Variants in CHKA observed in about 807,000 individuals in gnomAD.
The protein encoded by CHKA is choline kinase alpha, also known as CHETK-alpha.
CHKA carries 34 observed loss-of-function variants against 60.1 expected under a neutral mutation model. That is an observed-to-expected ratio of 0.57 (90% CI 0.43 to 0.75). CHKA has a LOEUF of 0.75. Ranked by LOEUF, CHKA falls within the 30% of genes least tolerant of loss-of-function variation. The pLI, the probability that CHKA is intolerant of heterozygous loss-of-function variation, is 0.00. For synonymous variants in CHKA, 217 were observed against 223.1 expected (o/e 0.97, Z 0.24); for missense variants, 563 against 561.3 (o/e 1.00, Z -0.03).
intron 7 of CHKA, among the ~76,000 whole-genome samples, chr11:68,068,226 A>AG (rs1205597188): frequency 6.6e-6 from 1 of 152,136 alleles, no homozygotes; most frequent in African/African-American, 2.4e-5. Flanking sequence ...GTGGTGCAGA[A>AG]GGGGGAAGGG....
chr11:68,090,527 A>G (rs1198142402), intron 2 of CHKA, among the ~76,000 whole-genome samples: 2 of 152,202 alleles, frequency 1.3e-5, no homozygotes, highest in Admixed American at 6.5e-5. Context: ...GTAGTTTAAT[A>G]TTAACTATTT....
At chr11:68,096,498 T>C (rs1210550604) in intron 2 of CHKA, among the ~76,000 whole-genome samples, 1 of 152,188 alleles carries the variant, frequency 6.6e-6, no homozygotes, top group Non-Finnish European at 1.5e-5. Context: ...CTTTAAGAAT[T>C]AGATTATCTA....
intron 7 of CHKA, among the ~76,000 whole-genome samples, chr11:68,067,242 C>G (rs1257479631): frequency 6.6e-6 from 1 of 152,208 alleles, no homozygotes; most frequent in Admixed American, 6.5e-5. Flanking sequence ...CTTAGGATTT[C>G]TAGTGGAGGT....
intron 1 of CHKA, among the ~76,000 whole-genome samples, chr11:68,110,749 G>C (rs1858101078): frequency 6.6e-6 from 1 of 152,134 alleles, no homozygotes. Flanking sequence ...TGTAATCCCA[G>C]CAATTTGGGA....
chr11:68,054,453 G>A (rs912448990), intron 11 of CHKA, among the ~76,000 whole-genome samples: 5 of 152,180 alleles, frequency 3.3e-5, no homozygotes, highest in African/African-American at 1.2e-4. Context: ...TAGAACAGAA[G>A]GGGAGAAGAG....
chr11:68,095,718 AAAAAAAAAAAAAAAAAC>A (rs1335087912), intron 2 of CHKA, among the ~76,000 whole-genome samples: 1 of 141,496 alleles, frequency 7.1e-6, no homozygotes, highest in Non-Finnish European at 1.5e-5. Context: ...CAAAAAAAAA[AAAAAAAAAAAAAAAAAC>A]AACAGGTATC....
chr11:68,120,876 C>G lies in CHKA; in HGVS notation c.302G>C (p.Gly101Ala). The change falls in exon 1 of 12, where the codon GGC (glycine) becomes GCC (alanine). Residue 101 changes from glycine (G) to alanine (A), a missense_variant. Physicochemically the swap from Gly to Ala is moderately conservative, Grantham distance 60. Coordinates refer to ENST00000265689, the MANE Select transcript of CHKA (RefSeq NM_001277.3). ...GTCCTCGCGGAGGCCCCGCCAGGCGCCGGGCAGGAACTCCTTGCACCACAG... is the reference window on the plus strand; with the variant it reads ...GTCCTCGCGGAGGCCCCGCCAGGCGGCGGGCAGGAACTCCTTGCACCACAG... ...AYLWCKEFLPGAWRGLREDEF... is the reference protein window; with the variant it reads ...AYLWCKEFLPAAWRGLREDEF... 7.4e-7 allele frequency: 1 copy of G among 1,358,590 alleles called. No individual in the cohort carries two copies. The highest frequency in any genetic ancestry group is 9.6e-7 in the Non-Finnish European group (1 of 1,041,770). 84.2% of individuals were successfully genotyped at this position (1,358,590 alleles called of 1,614,324 possible).
At chr11:68,115,798 T>C (rs189656602) in intron 1 of CHKA, among the ~76,000 whole-genome samples, 101 of 152,332 alleles carry the variant, frequency 6.6e-4, no homozygotes, top group Non-Finnish European at 1.3e-3. Context: ...AAACAAAGTG[T>C]AAATAAAATT....
intron 1 of CHKA, among the ~76,000 whole-genome samples, chr11:68,100,759 C>T (rs1216817778): frequency 2.0e-5 from 3 of 151,312 alleles, no homozygotes; most frequent in Non-Finnish European, 4.4e-5. Flanking sequence ...GTGACAATAA[C>T]ACACTTATTC....
At chr11:68,100,705 T>C (rs1394712495) in intron 1 of CHKA, among the ~76,000 whole-genome samples, 1 of 150,540 alleles carries the variant, frequency 6.6e-6, no homozygotes, top group African/African-American at 2.4e-5. Context: ...CACACACACA[T>C]ATATATGAGA....
intron 1 of CHKA, among the ~76,000 whole-genome samples, chr11:68,101,822 C>A (rs1468757324): frequency 6.6e-6 from 1 of 152,030 alleles, no homozygotes; most frequent in East Asian, 1.9e-4. Context: ...CCATACTGGC[C>A]AAGCGCGTGG....
intron 1 of CHKA, among the ~76,000 whole-genome samples, chr11:68,117,885 G>C (rs1023804542): frequency 6.6e-6 from 1 of 152,154 alleles, no homozygotes; most frequent in African/African-American, 2.4e-5. Context: ...GGACCAGACA[G>C]AAGGTGGGGA....
intron 8 of CHKA, 39 bp downstream of exon 8, chr11:68,066,390 T>A: frequency 6.8e-7 from 1 of 1,460,564 alleles, no homozygotes; most frequent in Non-Finnish European, 9.6e-7. Context: ...TAATGATAAA[T>A]CAATATTGAG....
intron 3 of CHKA, among the ~76,000 whole-genome samples, chr11:68,080,739 G>A (rs1221671623): frequency 6.6e-6 from 1 of 152,244 alleles, no homozygotes; most frequent in African/African-American, 2.4e-5. Flanking sequence ...TGTTGGGCAT[G>A]TGTGCACATG....
rs1433774978 is a variant in CHKA at position 68,086,917 on chromosome 11, C to T, written c.463-5460G>A. Among the ~76,000 whole-genome samples, 4 of 152,158 alleles carry T rather than the reference C, an allele frequency of 2.6e-5. No homozygotes were observed. In the South Asian group the frequency reaches 6.2e-4, roughly 24 times the overall value. On this transcript the variant is annotated intron_variant, in intron 2 of 11. Coordinates refer to ENST00000265689, the MANE Select transcript of CHKA (RefSeq NM_001277.3). ...AGGAGAATGGCGTGAACCCGGGAGG[C>T]GGAGCTTGCAGTGAGCAGAGATCGT...
chr11:68,074,539 A>G (rs1407368756), intron 4 of CHKA, among the ~76,000 whole-genome samples, 178 bp downstream of exon 4: 1 of 152,222 alleles, frequency 6.6e-6, no homozygotes, highest in East Asian at 1.9e-4. Flanking sequence ...CAGAAAAGAA[A>G]GAGGTTCGGA....
intron 1 of CHKA, among the ~76,000 whole-genome samples, chr11:68,099,254 C>G (rs766052795): frequency 6.6e-6 from 1 of 152,188 alleles, no homozygotes; most frequent in Non-Finnish European, 1.5e-5. Context: ...GTGGTAACAG[C>G]TGCAAGTATC....
intron 1 of CHKA, among the ~76,000 whole-genome samples, chr11:68,102,583 G>A (rs1046893422): frequency 1.2e-4 from 18 of 152,286 alleles, no homozygotes; most frequent in African/African-American, 4.1e-4. Flanking sequence ...AGTAAGACCT[G>A]AAACTATGAA....
At chr11:68,119,804 C>A (rs1858542455) in intron 1 of CHKA, among the ~76,000 whole-genome samples, 1 of 152,282 alleles carries the variant, frequency 6.6e-6, no homozygotes, top group Non-Finnish European at 1.5e-5. Context: ...TAGAAGGATG[C>A]ACACACTACG....
Sources: gnomAD v4.1 joint callset for allele counts (sites outside exome capture counted in the v4.1 genomes callset) on GRCh38, gnomAD v4.1.1 for gene constraint, MANE v1.5 for transcripts, NCBI Gene and HGNC (gene_info 2026-07-23, HGNC 2026-07-21) for gene names.